DNAJA2: variants seen among roughly 807,000 people sequenced by gnomAD.
DNAJA2 encodes the protein dnaJ homolog subfamily A member 2.
A neutral mutation model predicts 49.3 loss-of-function variants in DNAJA2; 6 were observed. That is an observed-to-expected ratio of 0.12 (90% CI 0.07 to 0.24). The LOEUF (loss-of-function observed/expected upper bound fraction) is 0.24, where lower values mean the gene tolerates loss of function less well. Ranked by LOEUF, DNAJA2 falls within the 10% of genes least tolerant of loss-of-function variation. The probability of loss-of-function intolerance (pLI) is 1.00; values close to 1 mark genes in which losing one functional copy is unlikely to be tolerated. For synonymous variants in DNAJA2, 160 were observed against 172.7 expected (o/e 0.93, Z 0.58); for missense variants, 347 against 516.8 (o/e 0.67, Z 3.19).
At position 46,956,986 on chromosome 16, in the gene DNAJA2, A is replaced by C; in HGVS notation, c.*43T>G. On this transcript the variant is annotated 3_prime_UTR_variant, in exon 9 of 9. Transcript: ENST00000317089. ...CTGGATTGCTGAGAACAAATCAGGC[A>C]AATGTGGAAAGAAAATCCACCTGTG... The C allele has an allele frequency of 2.5e-6, 4 of 1,610,092 alleles. No individual in the cohort carries two copies. The highest frequency in any genetic ancestry group is 3.4e-6 in the Non-Finnish European group (4 of 1,176,344).
rs200039226 is a variant in DNAJA2 at position 46,964,788 on chromosome 16, T to A, written c.597A>T (p.Lys199Asn). 2.5e-6 allele frequency: 4 copies of A among 1,613,730 alleles called. No individual in the cohort carries two copies. The highest frequency in any genetic ancestry group is 3.4e-6 in the Non-Finnish European group (4 of 1,179,854). ...CNGEGEVINE[K>N]DRCKKCEGKK... ...TCCCTTCACATTTTTTACAGCGGTC[T>A]TTTTCATTAATTACCTCTCCTGGAA... Residue 199 changes from lysine (K) to asparagine (N), a missense_variant, in exon 6 of 9, where the codon AAA becomes AAT. By Grantham distance (94) the Lys-to-Asn change is moderately conservative. Coordinates refer to ENST00000317089, the MANE Select transcript of DNAJA2 (RefSeq NM_005880.4).
At chr16:46,973,203 C>CGGCG (rs1962081953) in intron 1 of DNAJA2, among the ~76,000 whole-genome samples, 1 of 152,144 alleles carries the variant, frequency 6.6e-6, no homozygotes, top group South Asian at 2.1e-4. Flanking sequence ...TACCAGCCCC[C>CGGCG]GGCGCTCGTT....
Position 46,964,612 on chromosome 16 carries a change from T to C in DNAJA2, c.773A>G (p.Glu258Gly), listed in dbSNP as rs1961942908. 1 of 1,588,108 alleles carries C rather than the reference T, an allele frequency of 6.3e-7. No individual in the cohort carries two copies. Among genetic ancestry groups the C allele is most frequent in the Non-Finnish European group, 8.5e-7 (1 of 1,172,992 alleles). Residue 258 changes from glutamate to glycine, a missense_variant and splice_region_variant, in exon 6 of 9, where the codon GAG becomes GGG. Transcript: ENST00000317089. The stretch of plus-strand genomic sequence containing the variant: ...AAAAACTAAAAAAAGGAAAATCACC[T>C]CATGTTCTTTCTCCTGTAGCAAAAG... ...IVLLLQEKEH[E>G]VFQRDGNDLH...
chr16:46,966,995 T>A (rs929997468), intron 5 of DNAJA2, among the ~76,000 whole-genome samples: 1 of 152,238 alleles, frequency 6.6e-6, no homozygotes, highest in Non-Finnish European at 1.5e-5. Context: ...CTTTTCTGAA[T>A]TAAAAAGAGT....
Position 46,956,875 on chromosome 16 carries a change from ACT to A in DNAJA2, c.*152_*153del, listed in dbSNP as rs1961822890. The stretch of plus-strand genomic sequence containing the variant: ...GCTTTGTGGTTAGTTTAAATTATAC[ACT>A]CTGTAGATACTATACCAATTTTAAA... On this transcript the variant is annotated 3_prime_UTR_variant, in exon 9 of 9. Transcript: ENST00000317089. 7 of 774,068 alleles carry A rather than the reference ACT, an allele frequency of 9.0e-6. No homozygotes were observed. The South Asian group carries it at 1.2e-4, about 13-fold the overall frequency. The allele number at this position is 774,068 out of a possible 1,614,324, so 47.9% of individuals were successfully genotyped here. A position where few individuals can be genotyped will look rare whatever the true frequency, so the allele number is the denominator to read the frequency against.
At position 46,970,730 on chromosome 16, in the gene DNAJA2, C is replaced by CAAAAAA. The variant is rs10523905; in HGVS notation, c.362+613_362+618dup. On this transcript the variant is annotated intron_variant, in intron 3 of 8. Transcript: ENST00000317089. Reference sequence around the variant, plus strand: ...AACCCGGGCGACAGGGACTCCATTTCAAAAAAAAAAAAAAAAAAAAAAAAA... The same window carrying CAAAAAA: ...AACCCGGGCGACAGGGACTCCATTTCAAAAAAAAAAAAAAAAAAAAAAAAAAAAAAA... Among the ~76,000 whole-genome samples, 63 of 32,196 alleles carry CAAAAAA rather than the reference C, an allele frequency of 2.0e-3. 15 individuals carry two copies. The highest frequency in any genetic ancestry group is 7.4e-3 in the East Asian group (7 of 944). The allele number at this position is 32,196 out of a possible 152,430, so 21.1% of individuals were successfully genotyped here. A position where few individuals can be genotyped will look rare whatever the true frequency, so the allele number is the denominator to read the frequency against.
At chr16:46,962,669 A>T (rs1961915477) in intron 6 of DNAJA2, among the ~76,000 whole-genome samples, 2 of 152,256 alleles carry the variant, frequency 1.3e-5, no homozygotes, top group African/African-American at 4.8e-5. Flanking sequence ...ACAAATAGCA[A>T]ATCTTGTAAA....
chr16:46,958,063 G>A (rs1255471407), intron 8 of DNAJA2, among the ~76,000 whole-genome samples: 1 of 152,190 alleles, frequency 6.6e-6, no homozygotes. Flanking sequence ...AGTCGGCTGG[G>A]TGCAGTGGCT....
chr16:46,972,642 T>C (rs1236623558), intron 1 of DNAJA2: 1 of 152,292 alleles, frequency 6.6e-6, no homozygotes, highest in Admixed American at 6.5e-5. Flanking sequence ...TGTACTCTTC[T>C]CACTGCCTAA....
intron 3 of DNAJA2, among the ~76,000 whole-genome samples, chr16:46,970,027 T>TGA (rs796544074): frequency 4.6e-5 from 7 of 152,336 alleles, no homozygotes; most frequent in African/African-American, 1.7e-4. Flanking sequence ...AAGGATTCAA[T>TGA]GAGACTCAAA....
chr16:46,958,776 C>T (rs1426158850), intron 8 of DNAJA2: 10 of 424,888 alleles, frequency 2.4e-5, no homozygotes, highest in African/African-American at 6.1e-5. Context: ...GAGACTGTGT[C>T]TCAAAAAATT....
chr16:46,956,728 A>T lies in DNAJA2; in HGVS notation c.*301T>A. 7.8e-6 allele frequency: 2 copies of T among 255,882 alleles called. No individual in the cohort carries two copies. Among genetic ancestry groups the T allele is most frequent in the Non-Finnish European group, 1.5e-5 (2 of 133,588 alleles). 15.9% of individuals were successfully genotyped at this position (255,882 alleles called of 1,614,324 possible). The stretch of plus-strand genomic sequence containing the variant: ...TATGAAACATAAAAATCTACACAAA[A>T]CTGATAAAAATCAAGCACAGATACC... On this transcript the variant is annotated 3_prime_UTR_variant, in exon 9 of 9. Transcript: ENST00000317089.
At chr16:46,966,904 C>T (rs973339221) in intron 5 of DNAJA2, among the ~76,000 whole-genome samples, 1 of 152,110 alleles carries the variant, frequency 6.6e-6, no homozygotes, top group Admixed American at 6.5e-5. Context: ...CTATGGTGGT[C>T]ATTCCTACAG....
In DNAJA2 at chr16:46,971,655, T is replaced by G. The variant is rs772600719; in HGVS notation, c.139-83A>C. On this transcript the variant is annotated intron_variant, in intron 2 of 8. Transcript: ENST00000317089. ...AAGCTACAGGAATCCAGAATCCATT[T>G]AATTCTAAAAAAAAAAAAAAAGGGA... The G allele has an allele frequency of 3.4e-5, 9 of 266,592 alleles. No homozygotes were observed. The African/African-American group carries it at 3.7e-4, about 11-fold the overall frequency. The allele number at this position is 266,592 out of a possible 1,614,324, so 16.5% of individuals were successfully genotyped here. A position where few individuals can be genotyped will look rare whatever the true frequency, so the allele number is the denominator to read the frequency against.
chr16:46,963,943 C>T (rs1055665826), intron 6 of DNAJA2, among the ~76,000 whole-genome samples: 4 of 152,054 alleles, frequency 2.6e-5, no homozygotes, highest in Non-Finnish European at 5.9e-5. Flanking sequence ...AGTAAGATTA[C>T]CTATGGTTAA....
At chr16:46,969,282 G>A (rs1161249415) in intron 3 of DNAJA2, among the ~76,000 whole-genome samples, 1 of 152,126 alleles carries the variant, frequency 6.6e-6, no homozygotes, top group Non-Finnish European at 1.5e-5. Flanking sequence ...TTGTAGGCAG[G>A]ATAAGAATAC....
intron 3 of DNAJA2, among the ~76,000 whole-genome samples, chr16:46,968,883 C>T (rs1012455621): frequency 7.2e-5 from 11 of 151,820 alleles, no homozygotes; most frequent in Admixed American, 7.2e-4. Flanking sequence ...TCATCTTTAC[C>T]AAAAAATAAA....
rs1445788709 is a variant in DNAJA2, at chr16:46,967,591, C to CACCTCG, written c.493_498dup (p.Arg165_Gly166dup). 6.2e-7 allele frequency: 1 copy of CACCTCG among 1,614,196 alleles called. No homozygotes were observed. On this transcript the variant is annotated inframe_insertion, in exon 5 of 9. Transcript: ENST00000317089. The stretch of plus-strand genomic sequence containing the variant: ...GCCAGCTGTCTGATCATGATGCGCA[C>CACCTCG]ACCTCGACCTCGACAAGCACTACAC...
At position 46,959,368 on chromosome 16, in the gene DNAJA2, C is replaced by T. The variant is rs199942539; in HGVS notation, c.826G>A (p.Val276Ile). 2.7e-5 allele frequency: 44 copies of T among 1,613,814 alleles called. No individual in the cohort carries two copies. In the Admixed American group the frequency reaches 7.0e-4, roughly 26 times the overall value. ...AACTGAAATCCACATAGAGCTTCAA[C>T]AAGTCCTATTTTATATGTCATGTGC... ...DLHMTYKIGL[V>I]EALCGFQFTF... The change falls in exon 7 of 9, where the codon GTT becomes ATT. Residue 276 changes from valine to isoleucine, a missense_variant. Transcript: ENST00000317089.
Sources: allele counts gnomAD v4.1 joint callset (sites outside exome capture counted in the v4.1 genomes callset), GRCh38; gene constraint gnomAD v4.1.1; transcripts MANE v1.5; gene names NCBI Gene and HGNC (gene_info 2026-07-23, HGNC 2026-07-21).